SUFU: variants seen among roughly 807,000 people sequenced by gnomAD.
SUFU encodes suppressor of fused homolog.
A neutral mutation model predicts 58.9 loss-of-function variants in SUFU; 7 were observed. The ratio of observed to expected loss-of-function variants is 0.12; its 90% CI spans 0.07 to 0.22. The LOEUF (loss-of-function observed/expected upper bound fraction) is 0.22, where lower values mean the gene tolerates loss of function less well. Ranked by LOEUF, SUFU falls within the 10% of genes least tolerant of loss-of-function variation. The probability of loss-of-function intolerance (pLI) is 1.00; values close to 1 mark genes in which losing one functional copy is unlikely to be tolerated. For synonymous variants in SUFU, 232 were observed against 254.8 expected, an observed-to-expected ratio of 0.91 and a Z score of 0.85; for missense variants, 451 against 641.3, an observed-to-expected ratio of 0.70 and a Z score of 3.20.
chr10:102,521,983 A>T (rs7894032), intron 2 of SUFU, among the ~76,000 whole-genome samples: 3 of 152,232 alleles, frequency 2.0e-5, no homozygotes, highest in Non-Finnish European at 4.4e-5. Flanking sequence ...AAATGATTCT[A>T]TAAATAACTG....
intron 3 of SUFU, among the ~76,000 whole-genome samples, chr10:102,556,748 A>G (rs1318328860): frequency 2.9e-5 from 2 of 69,028 alleles, no homozygotes; most frequent in Admixed American, 1.9e-4. Flanking sequence ...AAAAAAAAAA[A>G]AAGGAAGGGA....
intron 8 of SUFU, among the ~76,000 whole-genome samples, chr10:102,609,267 A>G (rs972647341): frequency 1.5e-5 from 2 of 133,042 alleles, no homozygotes; most frequent in Admixed American, 8.3e-5. Flanking sequence ...ACCCAGCACC[A>G]TAGTCTGTGC....
intron 3 of SUFU, among the ~76,000 whole-genome samples, chr10:102,557,329 A>G (rs1433833491): frequency 6.6e-6 from 1 of 151,712 alleles, no homozygotes; most frequent in Non-Finnish European, 1.5e-5. Context: ...TGTAATCCCA[A>G]TACTTTGGGA....
chr10:102,617,187 C>T lies in SUFU; in HGVS notation c.1158-103C>T, dbSNP rs1287689037. The T allele has an allele frequency of 5.1e-5, 77 of 1,516,574 alleles. No individual in the cohort carries two copies. Among genetic ancestry groups the T allele is most frequent in the Non-Finnish European group, 6.5e-5 (71 of 1,098,550 alleles). The allele number at this position is 1,516,574 out of a possible 1,614,324, so 93.9% of individuals were successfully genotyped here. ...AGCCAGGAGGGCATGTTACCTGGCC[C>T]GCGGACCATAGTCCCCACTGTCCCA... On this transcript the variant is annotated intron_variant, in intron 9 of 11. Transcript: ENST00000369902. This position sits in a 1 kb window ranked among gnomAD's most constrained non-coding sequence, Gnocchi z 4.4.
chr10:102,559,238 A>G (rs1235235299), intron 3 of SUFU, among the ~76,000 whole-genome samples: 2 of 152,212 alleles, frequency 1.3e-5, no homozygotes, highest in African/African-American at 4.8e-5. Context: ...CTCATTGGCT[A>G]GAGTTAGGTC....
chr10:102,594,835 C>T (rs2063445302), intron 6 of SUFU, among the ~76,000 whole-genome samples: 1 of 152,192 alleles, frequency 6.6e-6, no homozygotes, highest in African/African-American at 2.4e-5. Context: ...TCTCCTGCCT[C>T]AGCCTCCCGA....
At chr10:102,511,793 C>A (rs904620132) in intron 2 of SUFU, among the ~76,000 whole-genome samples, 9 of 152,108 alleles carry the variant, frequency 5.9e-5, no homozygotes, top group Admixed American at 5.2e-4. Flanking sequence ...TCACTGCAGC[C>A]TCAACCTCCT....
At chr10:102,615,483 C>T (rs2135930910) in intron 9 of SUFU, 81 bp downstream of exon 9, 7 of 1,601,948 alleles carry the variant, frequency 4.4e-6, no homozygotes, top group Non-Finnish European at 6.0e-6. Flanking sequence ...GCCTCCCCAG[C>T]CCCCTCCCCC....
Position 102,566,827 on chromosome 10 carries a change from C to T in SUFU, c.454+16721C>T, listed in dbSNP as rs760870200. On this transcript the variant is annotated intron_variant, in intron 3 of 11. Coordinates refer to ENST00000369902, the MANE Select transcript of SUFU (RefSeq NM_016169.4). ...GCATGGTGGTGGGCACCTGTATAGT[C>T]CCAGCTACTCAGGAGGCTGAGGCAG... 3.4e-4 allele frequency among the ~76,000 whole-genome samples: 49 copies of T among 146,044 alleles called. 1 individual carries two copies. Among genetic ancestry groups the T allele is most frequent in the Non-Finnish European group, 5.7e-4 (38 of 66,658 alleles).
intron 3 of SUFU, among the ~76,000 whole-genome samples, chr10:102,568,923 CATATATATATATAT>C (rs1166324733): frequency 0.022 from 855 of 38,224 alleles, 11 homozygotes; most frequent in South Asian, 0.027. Flanking sequence ...TATATATACA[CATATATATATATAT>C]ATATATATAT....
At chr10:102,526,640 C>CTG (rs1396512319) in intron 2 of SUFU, among the ~76,000 whole-genome samples, 1 of 152,170 alleles carries the variant, frequency 6.6e-6, no homozygotes, top group Non-Finnish European at 1.5e-5. Flanking sequence ...GGGGAGGATG[C>CTG]TGTTAGCAGT....
At chr10:102,601,542 G>A (rs1251872556) in intron 8 of SUFU, among the ~76,000 whole-genome samples, 2 of 152,194 alleles carry the variant, frequency 1.3e-5, no homozygotes, top group African/African-American at 4.8e-5. Flanking sequence ...TGTAGTCTGA[G>A]GGGAATAGAA....
chr10:102,503,944 G>T (rs1024451528), upstream of SUFU: 1 of 621,686 alleles, frequency 1.6e-6, no homozygotes, highest in East Asian at 3.4e-5. Flanking sequence ...CCCCCTTAGC[G>T]CCCCGCCGCC....
At chr10:102,595,173 G>A (rs2063448811) in intron 6 of SUFU, among the ~76,000 whole-genome samples, 2 of 152,184 alleles carry the variant, frequency 1.3e-5, no homozygotes, top group Non-Finnish European at 2.9e-5. Context: ...TATCTGGTAG[G>A]CCACAGGCAG....
intron 3 of SUFU, among the ~76,000 whole-genome samples, chr10:102,559,242 T>G (rs2063010561): frequency 2.0e-5 from 3 of 152,044 alleles, no homozygotes; most frequent in African/African-American, 7.2e-5. Context: ...TTGGCTAGAG[T>G]TAGGTCAAGG....
rs539883056 is a variant in SUFU at position 102,535,318 on chromosome 10, C to T, written c.318-14652C>T. 9.2e-5 allele frequency among the ~76,000 whole-genome samples: 14 copies of T among 152,072 alleles called. No homozygotes were observed. In the South Asian group the frequency reaches 2.9e-3, roughly 32 times the overall value. On this transcript the variant is annotated intron_variant, in intron 2 of 11. Coordinates refer to ENST00000369902, the MANE Select transcript of SUFU (RefSeq NM_016169.4). ...TGGCCAACATGGAGAAACCTCGTCT[C>T]TACTAAAAATACAAAAAATGAGCCG...
intron 2 of SUFU, among the ~76,000 whole-genome samples, chr10:102,532,782 C>T (rs1267657419): frequency 6.6e-6 from 1 of 152,080 alleles, no homozygotes; most frequent in Non-Finnish European, 1.5e-5. Context: ...GAGTATAAGG[C>T]AGAGGAGGTA....
chr10:102,609,655 TG>T (rs2063602271), intron 8 of SUFU, among the ~76,000 whole-genome samples: 1 of 152,182 alleles, frequency 6.6e-6, no homozygotes, highest in Non-Finnish European at 1.5e-5. Flanking sequence ...TTAAAGCAAA[TG>T]GTTATCAGAC....
rs565781127 is a variant in SUFU, at chr10:102,587,785, C to T, written c.455-4797C>T. ...CTGGGATTACAGGCATGAGCCACTG[C>T]GCCCAGCCAGCACAAAAGGTTTTAA... On this transcript the variant is annotated intron_variant, in intron 3 of 11. Coordinates refer to ENST00000369902, the MANE Select transcript of SUFU (RefSeq NM_016169.4). Among the ~76,000 whole-genome samples the T allele has an allele frequency of 1.5e-4, 23 of 152,302 alleles. No individual in the cohort carries two copies. In the East Asian group the frequency reaches 3.5e-3, roughly 23 times the overall value.
Sources: gnomAD v4.1 joint callset for allele counts (sites outside exome capture counted in the v4.1 genomes callset) on GRCh38, gnomAD v4.1.1 for gene constraint, Gnocchi (gnomAD v3.1) non-coding constraint, MANE v1.5 for transcripts, NCBI Gene and HGNC (gene_info 2026-07-23, HGNC 2026-07-21) for gene names.